The following ST6GALNAC6 variants were observed in gnomAD, a reference collection of about 807,000 sequenced individuals.
ST6GALNAC6 encodes the protein ST6 N-acetylgalactosaminide alpha-2,6-sialyltransferase 6.
In ST6GALNAC6, 19 loss-of-function variants were observed where a neutral mutation model predicts 34.3. That is an observed-to-expected ratio of 0.55 (90% CI 0.39 to 0.81). The LOEUF is 0.81. Among genes scored for constraint, ST6GALNAC6 ranks in the 40% least tolerant of loss-of-function variants. ST6GALNAC6 has a pLI of 0.00. For synonymous variants in ST6GALNAC6, 185 were observed against 182.1 expected (o/e 1.02, Z -0.13); for missense variants, 377 against 467.7 (o/e 0.81, Z 1.79).
intron 1 of ST6GALNAC6, 105 bp downstream of exon 1, chr9:127,899,398 A>T (rs1043471982): frequency 1.3e-5 from 8 of 628,424 alleles, no homozygotes; most frequent in Non-Finnish European, 1.6e-5. Context: ...ACCCGCATCC[A>T]TCCCCATCCC....
chr9:127,893,483 A>G (rs2131529227), intron 4 of ST6GALNAC6, among the ~76,000 whole-genome samples: 1 of 152,238 alleles, frequency 6.6e-6, no homozygotes, highest in Middle Eastern at 3.4e-3. Context: ...ATTCCCATTC[A>G]CCCTTTAAGG....
rs775850837 is a variant in ST6GALNAC6 at position 127,890,026 on chromosome 9, G to T, written c.704+611C>A. Among the ~76,000 whole-genome samples the T allele has an allele frequency of 6.6e-6, 1 of 152,066 alleles. No homozygotes were observed. Among genetic ancestry groups the T allele is most frequent in the East Asian group, 1.9e-4 (1 of 5,196 alleles). ...GGCTCACTGCAGCCTCAACCTCCCG[G>T]GCTCAAGTCATCCTCCTGCCTCAGC... On this transcript the variant is annotated intron_variant, in intron 5 of 6. Transcript: ENST00000373146. This position sits in a 1 kb window ranked among gnomAD's most constrained non-coding sequence, Gnocchi z 4.3.
At chr9:127,897,758 G>A (rs1324272095) in intron 2 of ST6GALNAC6, 198 bp downstream of exon 2, 25 of 1,345,626 alleles carry the variant, frequency 1.9e-5, no homozygotes, top group East Asian at 2.6e-5. Context: ...GGGTCCAGCC[G>A]CCTATATCTT....
chr9:127,892,571 C>T (rs1448460606), intron 4 of ST6GALNAC6, among the ~76,000 whole-genome samples: 3 of 152,220 alleles, frequency 2.0e-5, no homozygotes, highest in African/African-American at 4.8e-5. Flanking sequence ...ACCCCCCGCA[C>T]ACCTTTCTGT....
rs574513083 is a variant in ST6GALNAC6 at position 127,896,411 on chromosome 9, G to A, written c.27-79C>T. Reference sequence around the variant, plus strand: ...CCAAAGGCTACACCTTCTCTGCCCCGCACTAGTTCTTCTATGCACCCAGAA... The same window carrying A: ...CCAAAGGCTACACCTTCTCTGCCCCACACTAGTTCTTCTATGCACCCAGAA... On this transcript the variant is annotated intron_variant, in intron 2 of 6. Transcript: ENST00000373146. The A allele has an allele frequency of 4.3e-4, 534 of 1,249,238 alleles. 1 individual carries two copies. Among genetic ancestry groups the A allele is most frequent in the Non-Finnish European group, 5.8e-4 (512 of 884,820 alleles). The allele number at this position is 1,249,238 out of a possible 1,614,324, so 77.4% of individuals were successfully genotyped here.
intron 2 of ST6GALNAC6, chr9:127,897,258 G>A (rs1164753302): frequency 3.0e-6 from 3 of 985,794 alleles, no homozygotes; most frequent in Non-Finnish European, 3.6e-6. Context: ...CAGGCCGGGG[G>A]CAGGGCGGGC....
Position 127,886,477 on chromosome 9 carries a change from GC to G in ST6GALNAC6, c.*121del. 3.4e-6 allele frequency: 5 copies of G among 1,480,358 alleles called. No individual in the cohort carries two copies. Among genetic ancestry groups the G allele is most frequent in the Non-Finnish European group, 3.6e-6 (4 of 1,115,100 alleles). 91.7% of individuals were successfully genotyped at this position (1,480,358 alleles called of 1,614,324 possible). ...GGCTGGAGGATACATCCTCCTCAAGGCCCTGATTGGCTGGGAGACACTCCAG... is the reference window on the plus strand; with the variant it reads ...GGCTGGAGGATACATCCTCCTCAAGGCCTGATTGGCTGGGAGACACTCCAG... On this transcript the variant is annotated 3_prime_UTR_variant, in exon 7 of 7. Transcript: ENST00000373146.
In ST6GALNAC6 at chr9:127,894,167, C is replaced by T. The variant is rs369628524; in HGVS notation, c.297+345G>A. ...ACACACGCACTTGATAAAAGGCAGC[C>T]GGTATTATTACTGCTTTTGTGTTGT... On this transcript the variant is annotated intron_variant, in intron 4 of 6. Coordinates refer to ENST00000373146, the MANE Select transcript of ST6GALNAC6 (RefSeq NM_013443.5). Among the ~76,000 whole-genome samples the T allele has an allele frequency of 1.1e-4, 16 of 152,264 alleles. No homozygotes were observed. In the South Asian group the frequency reaches 2.5e-3, roughly 24 times the overall value.
At chr9:127,893,482 C>T (rs1830267449) in intron 4 of ST6GALNAC6, among the ~76,000 whole-genome samples, 1 of 152,204 alleles carries the variant, frequency 6.6e-6, no homozygotes. Context: ...AATTCCCATT[C>T]ACCCTTTAAG....
chr9:127,905,871 G>A (rs562357734), upstream of ST6GALNAC6: 1 of 916,338 alleles, frequency 1.1e-6, no homozygotes, highest in African/African-American at 1.8e-5. Context: ...TTGACTCCAG[G>A]GCCCTCCCTC....
At chr9:127,898,073 G>T in intron 1 of ST6GALNAC6, 63 bp from the exon 2 acceptor site, 1 of 872,458 alleles carries the variant, frequency 1.1e-6, no homozygotes, top group Non-Finnish European at 1.9e-6. Flanking sequence ...TCAAGCAGAT[G>T]TGGCAAGGGA....
At chr9:127,895,696 T>C (rs1481882342) in intron 3 of ST6GALNAC6, among the ~76,000 whole-genome samples, 1 of 152,232 alleles carries the variant, frequency 6.6e-6, no homozygotes, top group Non-Finnish European at 1.5e-5. Context: ...TTCTTTTTCC[T>C]GATTAAACTC....
chr9:127,895,829 T>C (rs960653946), intron 3 of ST6GALNAC6, among the ~76,000 whole-genome samples: 2 of 152,110 alleles, frequency 1.3e-5, no homozygotes, highest in Non-Finnish European at 2.9e-5. Context: ...AATGAATGAA[T>C]GAAAGAATGA....
chr9:127,904,652 T>C (rs1830867305), upstream of ST6GALNAC6: 1 of 152,240 alleles, frequency 6.6e-6, no homozygotes, highest in South Asian at 2.1e-4. Flanking sequence ...GCCTGGGGAC[T>C]CCGGCCTCTC....
In ST6GALNAC6 at chr9:127,905,067, G is replaced by A. The variant is rs542618268; in HGVS notation, c.-77+140C>T. 5.5e-4 allele frequency: 178 copies of A among 325,864 alleles called. 3 individuals are homozygous for A. In the South Asian group the frequency reaches 0.02, roughly 37 times the overall value. 20.2% of individuals were successfully genotyped at this position (325,864 alleles called of 1,614,324 possible). A position where few individuals can be genotyped will look rare whatever the true frequency, so the allele number is the denominator to read the frequency against. ...CTTCCCCGGCTTCCCCTCTGGGCTT[G>A]GAGGAAGTAGGGTAGGTCCTCAGCC... On this transcript the variant is annotated intron_variant, in intron 1 of 5. Coordinates refer to the ST6GALNAC6 transcript ENST00000622357.
chr9:127,897,878 G>A lies in ST6GALNAC6; in HGVS notation c.26+78C>T, dbSNP rs117114714. 3.3e-3 allele frequency: 5,232 copies of A among 1,606,526 alleles called. 227 individuals are homozygous for A. In the East Asian group the frequency reaches 0.086, roughly 27 times the overall value. The stretch of plus-strand genomic sequence containing the variant: ...GACCACCGTCCCCCTGGTCCGCCCC[G>A]TCACAATCCTGCTCTGAGAAGGCCA... On this transcript the variant is annotated intron_variant, in intron 2 of 6. Coordinates refer to ENST00000373146, the MANE Select transcript of ST6GALNAC6 (RefSeq NM_013443.5).
At chr9:127,898,044 A>C in intron 1 of ST6GALNAC6, 34 bp from the exon 2 acceptor site, 12 of 1,072,732 alleles carry the variant, frequency 1.1e-5, no homozygotes, top group Non-Finnish European at 1.7e-5. Flanking sequence ...TCGGTAACTC[A>C]AGGGGTTGTT....
intron 2 of ST6GALNAC6, chr9:127,896,922 T>C (rs1820146427): frequency 2.0e-6 from 2 of 984,966 alleles, no homozygotes; most frequent in African/African-American, 3.5e-5. Flanking sequence ...GCCACGGAGA[T>C]TCAGGAATAT....
rs760739845 is a variant in ST6GALNAC6 at position 127,886,693 on chromosome 9, T to C, written c.908A>G (p.Lys303Arg). 2.5e-6 allele frequency: 4 copies of C among 1,614,118 alleles called. No individual in the cohort carries two copies. The East Asian group carries it at 6.7e-5, about 27-fold the overall frequency. ...VTYIQNEHSR[K>R]GNHHRFITEK... Reference sequence around the variant, plus strand: ...GGTGATGAAGCGGTGGTGGTTGCCCTTGCGACTGTGCTCATTCTGGATGTA... The same window carrying C: ...GGTGATGAAGCGGTGGTGGTTGCCCCTGCGACTGTGCTCATTCTGGATGTA... The change falls in exon 7 of 7, where the codon AAG becomes AGG. Residue 303 changes from lysine (K) to arginine (R), a missense_variant. Lys to Arg is a conservative substitution (Grantham distance 26). Coordinates refer to ENST00000373146, the MANE Select transcript of ST6GALNAC6 (RefSeq NM_013443.5).
Sources: gnomAD v4.1 joint callset for allele counts (sites outside exome capture counted in the v4.1 genomes callset) on GRCh38, gnomAD v4.1.1 for gene constraint, Gnocchi (gnomAD v3.1) non-coding constraint, MANE v1.5 for transcripts, NCBI Gene and HGNC (gene_info 2026-07-23, HGNC 2026-07-21) for gene names.